The following ITPR2 variants were observed in gnomAD, a reference collection of about 807,000 sequenced individuals.
ITPR2 encodes the protein inositol 1,4,5-trisphosphate-gated calcium channel ITPR2.
ITPR2 carries 207 observed loss-of-function variants against 317.1 expected under a neutral mutation model. The observed-to-expected ratio is 0.65, with a 90% CI of 0.58 to 0.73. The LOEUF is 0.73. Ranked by LOEUF, ITPR2 falls within the 30% of genes least tolerant of loss-of-function variation. The pLI is 0.00. For missense variants in ITPR2, 2,613 were observed against 3,284.0 expected, an observed-to-expected ratio of 0.80 and a Z score of 4.99; for synonymous variants, 1,156 against 1,149.1, an observed-to-expected ratio of 1.01 and a Z score of -0.12.
intron 2 of ITPR2, among the ~76,000 whole-genome samples, chr12:26,779,529 C>T (rs1771024378): frequency 6.6e-6 from 1 of 152,212 alleles, no homozygotes; most frequent in South Asian, 2.1e-4. Context: ...CTACTCCTGC[C>T]ACCAGGCCTT....
At chr12:26,699,501 A>G (rs773395227) in intron 9 of ITPR2, among the ~76,000 whole-genome samples, 1 of 152,250 alleles carries the variant, frequency 6.6e-6, no homozygotes, top group African/African-American at 2.4e-5. Context: ...TTACATATTC[A>G]TATCTTTGGC....
At chr12:26,465,792 G>A (rs150434005) in intron 45 of ITPR2, among the ~76,000 whole-genome samples, 234 of 152,018 alleles carry the variant, frequency 1.5e-3, no homozygotes, top group African/African-American at 5.3e-3. Flanking sequence ...CCTCCTTTCC[G>A]TATCCCGTGC....
intron 28 of ITPR2, 98 bp from the exon 29 acceptor site, chr12:26,600,207 GC>G: frequency 2.0e-6 from 2 of 1,016,884 alleles, no homozygotes; most frequent in Non-Finnish European, 2.9e-6. Context: ...TTTTCTCTCT[GC>G]CCATCTTTGA....
intron 1 of ITPR2, among the ~76,000 whole-genome samples, chr12:26,797,012 G>A (rs553063209): frequency 3.9e-5 from 6 of 152,156 alleles, no homozygotes; most frequent in East Asian, 1.9e-4. Context: ...CCTCTAGTCC[G>A]GGCGACAGAA....
intron 21 of ITPR2, among the ~76,000 whole-genome samples, chr12:26,650,848 A>T (rs901539732): frequency 1.6e-4 from 25 of 152,340 alleles, no homozygotes; most frequent in African/African-American, 6.0e-4. Flanking sequence ...AGACCCCTGC[A>T]TGTCCCTGCT....
chr12:26,642,287 A>G (rs541597336), intron 21 of ITPR2, among the ~76,000 whole-genome samples: 14 of 152,184 alleles, frequency 9.2e-5, no homozygotes, highest in Non-Finnish European at 2.1e-4. Context: ...GTGTCCCCCA[A>G]AGCTCACATG....
intron 1 of ITPR2, among the ~76,000 whole-genome samples, chr12:26,829,564 G>A (rs1402371979): frequency 6.6e-6 from 1 of 151,998 alleles, no homozygotes; most frequent in Non-Finnish European, 1.5e-5. Context: ...CTGGATCACG[G>A]CATTCTTAAT....
chr12:26,594,678 A>G (rs1172818926), intron 32 of ITPR2, among the ~76,000 whole-genome samples: 2 of 152,110 alleles, frequency 1.3e-5, no homozygotes, highest in East Asian at 1.9e-4. Context: ...TTCAAGTCCC[A>G]TAACTTTAAA....
chr12:26,419,637 T>G (rs570654631), intron 49 of ITPR2: 1 of 153,458 alleles, frequency 6.5e-6, no homozygotes, highest in South Asian at 2.0e-4. Context: ...ATAGAACCCC[T>G]CAGAGGATTA....
At chr12:26,522,907 A>G (rs956287977) in intron 37 of ITPR2, among the ~76,000 whole-genome samples, 3 of 152,272 alleles carry the variant, frequency 2.0e-5, no homozygotes, top group Non-Finnish European at 2.9e-5. Context: ...TAAAATCGCA[A>G]AAGAACTGTA....
At chr12:26,621,352 G>A (rs1946489548) in intron 25 of ITPR2, 56 bp from the exon 26 acceptor site, 9 of 1,327,964 alleles carry the variant, frequency 6.8e-6, no homozygotes, top group Non-Finnish European at 9.5e-6. Flanking sequence ...GAATATTTAT[G>A]AATATTTTAG....
chr12:26,653,241 C>CTTTTTTTTT (rs774729786), intron 21 of ITPR2, among the ~76,000 whole-genome samples: 1 of 103,576 alleles, frequency 9.7e-6, no homozygotes. Context: ...TTGAATCTTT[C>CTTTTTTTTT]TTTTTTTTTT....
chr12:26,560,250 T>C (rs1360929874), intron 35 of ITPR2, among the ~76,000 whole-genome samples: 1 of 152,142 alleles, frequency 6.6e-6, no homozygotes, highest in East Asian at 1.9e-4. Flanking sequence ...TTTCTTGCAC[T>C]CTTTATGTGG....
chr12:26,816,092 CAAAAAAA>C (rs11409442), intron 1 of ITPR2, among the ~76,000 whole-genome samples: 1 of 59,512 alleles, frequency 1.7e-5, no homozygotes, highest in African/African-American at 7.3e-5. Flanking sequence ...GACTCCGTCT[CAAAAAAA>C]AAAAAAAAAA....
At chr12:26,619,484 A>C (rs1946447483) in intron 26 of ITPR2, among the ~76,000 whole-genome samples, 1 of 152,194 alleles carries the variant, frequency 6.6e-6, no homozygotes, top group South Asian at 2.1e-4. Flanking sequence ...CCACTGGTGT[A>C]GAGTTTTAAC....
intron 1 of ITPR2, among the ~76,000 whole-genome samples, chr12:26,816,447 T>C (rs536942166): frequency 1.8e-3 from 280 of 152,316 alleles, no homozygotes; most frequent in Non-Finnish European, 3.6e-3. Context: ...GGAGTCATCA[T>C]ATAAAACCAG....
chr12:26,511,552 A>AT (rs956584568), intron 37 of ITPR2, among the ~76,000 whole-genome samples: 1 of 151,886 alleles, frequency 6.6e-6, no homozygotes, highest in African/African-American at 2.4e-5. Flanking sequence ...TGTCTCACCC[A>AT]TTTTTTTTCT....
chr12:26,810,760 C>G (rs1025114917), intron 1 of ITPR2, among the ~76,000 whole-genome samples: 1 of 152,122 alleles, frequency 6.6e-6, no homozygotes, highest in African/African-American at 2.4e-5. Context: ...AGTATTTCAC[C>G]CTTTAACTTC....
chr12:26,624,197 T>C lies in ITPR2; in HGVS notation c.3122+102A>G. 2 of 801,862 alleles carry C rather than the reference T, an allele frequency of 2.5e-6. 1 individual carries two copies. Among genetic ancestry groups the C allele is most frequent in the South Asian group, 3.4e-5 (2 of 58,034 alleles). The allele number at this position is 801,862 out of a possible 1,614,324, so 49.7% of individuals were successfully genotyped here. On this transcript the variant is annotated intron_variant, in intron 24 of 56. Transcript: ENST00000381340. ...ATTATGTTAGCAACAATAGAGGGTC[T>C]AAAAATAAATAGATATAGAGTGAAC...
Sources: allele counts gnomAD v4.1 joint callset (sites outside exome capture counted in the v4.1 genomes callset), GRCh38; gene constraint gnomAD v4.1.1; transcripts MANE v1.5; gene names NCBI Gene and HGNC (gene_info 2026-07-23, HGNC 2026-07-21).